Variants in STMN3 observed in about 807,000 individuals in gnomAD.
STMN3 encodes stathmin 3, also known as stathmin-3.
STMN3 carries 24 observed loss-of-function variants against 23.2 expected under a neutral mutation model. That is an observed-to-expected ratio of 1.03 (90% CI 0.75 to 1.45). The LOEUF is 1.45. STMN3 is among the 40% of genes most tolerant of loss of function. The pLI, the probability that STMN3 is intolerant of heterozygous loss-of-function variation, is 0.00. For missense variants in STMN3, 235 were observed against 237.6 expected (o/e 0.99, Z 0.07); for synonymous variants, 117 against 103.4 (o/e 1.13, Z -0.80).
rs766973213 is a variant in STMN3, at chr20:63,641,377, C to A, written c.504G>T (p.Val168=). The A allele has an allele frequency of 1.7e-5, 27 of 1,568,382 alleles. No homozygotes were observed. Among genetic ancestry groups the A allele is most frequent in the African/African-American group, 2.7e-5 (2 of 73,868 alleles). The change falls in exon 5 of 5, where the codon GTG becomes GTT. Residue 168 remains valine (V), a synonymous_variant. Transcript: ENST00000370053. ...LREKELHAAE[V]RRNKEQREEM... ...CTTCTCGCTGCTCCTTGTTCCTGCG[C>A]ACCTCGGCCGCGTGCAGCTCCTGCA...
At chr20:63,646,737 ACTT>A (rs2146117912) in intron 1 of STMN3, among the ~76,000 whole-genome samples, 2 of 151,108 alleles carry the variant, frequency 1.3e-5, no homozygotes, top group South Asian at 4.2e-4. Flanking sequence ...GCAGCCTTGA[ACTT>A]CTGGGCTTGA....
In STMN3 at chr20:63,641,169, G is replaced by C; in HGVS notation, c.*169C>G. The C allele has an allele frequency of 1.5e-6, 1 of 684,470 alleles. No individual in the cohort carries two copies. Among genetic ancestry groups the C allele is most frequent in the Non-Finnish European group, 2.6e-6 (1 of 380,550 alleles). 42.4% of individuals were successfully genotyped at this position (684,470 alleles called of 1,614,324 possible). A position where few individuals can be genotyped will look rare whatever the true frequency, so the allele number is the denominator to read the frequency against. On this transcript the variant is annotated 3_prime_UTR_variant, in exon 5 of 5. Coordinates refer to ENST00000370053, the MANE Select transcript of STMN3 (RefSeq NM_015894.4). ...TCCTGCAGGGGAAGCCGTGGTCAGCGACTCACCACGAGGACAGGGCAGGGC... is the reference window on the plus strand; with the variant it reads ...TCCTGCAGGGGAAGCCGTGGTCAGCCACTCACCACGAGGACAGGGCAGGGC...
chr20:63,650,318 C>T (rs547174558), intron 1 of STMN3, among the ~76,000 whole-genome samples: 9 of 152,256 alleles, frequency 5.9e-5, no homozygotes, highest in South Asian at 2.1e-4. Context: ...CATTAGATAC[C>T]GAGGAAATGC....
rs188985407 is a variant in STMN3, at chr20:63,640,086, C to G, written c.*1252G>C. On this transcript the variant is annotated 3_prime_UTR_variant, in exon 5 of 5. Transcript: ENST00000370053. Reference sequence around the variant, plus strand: ...CTCCCGCAGGATGGAAGTTGAGGGCCCTGGCTCTGGGTCCTAAGAGAACTC... The same window carrying G: ...CTCCCGCAGGATGGAAGTTGAGGGCGCTGGCTCTGGGTCCTAAGAGAACTC... 6.7e-4 allele frequency: 103 copies of G among 153,064 alleles called. No individual in the cohort carries two copies. The highest frequency in any genetic ancestry group is 1.2e-3 in the Non-Finnish European group (81 of 68,220). 9.5% of individuals were successfully genotyped at this position (153,064 alleles called of 1,614,324 possible).
At chr20:63,642,852 G>C (rs1166634318) in intron 3 of STMN3, among the ~76,000 whole-genome samples, 9 of 152,162 alleles carry the variant, frequency 5.9e-5, no homozygotes. Context: ...CCACATGCCA[G>C]TCCCTACTAG....
intron 1 of STMN3, among the ~76,000 whole-genome samples, 186 bp downstream of exon 1, chr20:63,653,141 C>T (rs1333794015): frequency 2.0e-5 from 3 of 151,386 alleles, no homozygotes; most frequent in African/African-American, 7.3e-5. Flanking sequence ...GCCTCGCAGC[C>T]CAGCGCCCCA....
At chr20:63,645,000 C>T (rs1251434150) in intron 1 of STMN3, among the ~76,000 whole-genome samples, 1 of 152,174 alleles carries the variant, frequency 6.6e-6, no homozygotes, top group Non-Finnish European at 1.5e-5. Flanking sequence ...CTCTGTTTAC[C>T]TTCTGTGTGT....
chr20:63,645,628 C>A (rs1353201007), intron 1 of STMN3, among the ~76,000 whole-genome samples: 1 of 152,226 alleles, frequency 6.6e-6, no homozygotes, highest in African/African-American at 2.4e-5. Context: ...CCTAAGCAGA[C>A]ACGCTGGCCC....
At chr20:63,653,021 C>T (rs1311824511) in intron 1 of STMN3, among the ~76,000 whole-genome samples, 1 of 151,976 alleles carries the variant, frequency 6.6e-6, no homozygotes, top group Non-Finnish European at 1.5e-5. Flanking sequence ...GAGCCCACGC[C>T]CGGGTCTGGG....
chr20:63,641,459 C>G, intron 4 of STMN3, 62 bp from the exon 5 acceptor site: 1 of 1,433,652 alleles, frequency 7.0e-7, no homozygotes, highest in Non-Finnish European at 9.5e-7. Context: ...TCCGGGAACC[C>G]CCAGGCGCGC....
intron 4 of STMN3, among the ~76,000 whole-genome samples, 198 bp downstream of exon 4, chr20:63,641,910 C>G (rs1289956381): frequency 7.2e-6 from 1 of 138,632 alleles, no homozygotes; most frequent in Non-Finnish European, 1.6e-5. Flanking sequence ...GGCCCCTGCC[C>G]GCTCCGAGCT....
intron 3 of STMN3, 81 bp downstream of exon 3, chr20:63,643,675 C>T: frequency 6.9e-7 from 1 of 1,452,152 alleles, no homozygotes; most frequent in Admixed American, 2.7e-5. Flanking sequence ...TGTCCGGGAG[C>T]ACCCTGCTTC....
rs999435826 is a variant in STMN3 at position 63,647,553 on chromosome 20, T to A, written c.20-3244A>T. Among the ~76,000 whole-genome samples the A allele has an allele frequency of 2.9e-4, 44 of 149,642 alleles. 1 individual carries two copies. The East Asian group carries it at 8.4e-3, about 29-fold the overall frequency. On this transcript the variant is annotated intron_variant, in intron 1 of 4. Transcript: ENST00000370053. ...ATCGCTTGAACCCAGGAGGCAGAGG[T>A]TGCAGTGAGCTGAGATCACGCCACT...
At chr20:63,642,836 C>G (rs1373707765) in intron 3 of STMN3, among the ~76,000 whole-genome samples, 3 of 152,170 alleles carry the variant, frequency 2.0e-5, no homozygotes, top group Non-Finnish European at 4.4e-5. Flanking sequence ...GCAGCAGGAC[C>G]CGCACCCACA....
chr20:63,653,387 A>T lies in STMN3; in HGVS notation c.-42T>A, dbSNP rs1362843197. On this transcript the variant is annotated 5_prime_UTR_variant, in exon 1 of 5. Coordinates refer to ENST00000370053, the MANE Select transcript of STMN3 (RefSeq NM_015894.4). ...GGGCCTGCGGAGGCTGGAGAGGCGC[A>T]AGTGGCGGCCGGAGCTGCAGACGGC... 1 of 1,435,074 alleles carries T rather than the reference A, an allele frequency of 7.0e-7. No homozygotes were observed. The highest frequency in any genetic ancestry group is 9.3e-7 in the Non-Finnish European group (1 of 1,077,540). 88.9% of individuals were successfully genotyped at this position (1,435,074 alleles called of 1,614,324 possible).
At chr20:63,650,124 G>A (rs192674108) in intron 1 of STMN3, among the ~76,000 whole-genome samples, 6 of 86,892 alleles carry the variant, frequency 6.9e-5, no homozygotes, top group East Asian at 5.6e-4. Context: ...CCCCGCGCCT[G>A]GCCCCCCGCA....
chr20:63,642,339 G>A (rs1409499362), intron 3 of STMN3, 40 bp from the exon 4 acceptor site: 1 of 1,353,408 alleles, frequency 7.4e-7, no homozygotes. Context: ...GGCAACCCCG[G>A]GCCCTGCCCG....
rs1046852250 is a variant in STMN3, at chr20:63,640,867, AC to A, written c.*470del. On this transcript the variant is annotated 3_prime_UTR_variant, in exon 5 of 5. Transcript: ENST00000370053. The stretch of plus-strand genomic sequence containing the variant: ...CACACGCAGGCTCCCAGGCACCATC[AC>A]CCCCCTCCCCCGTCGCCCCTCCCTC... 1.7e-4 allele frequency: 42 copies of A among 240,978 alleles called. No individual in the cohort carries two copies. The highest frequency in any genetic ancestry group is 9.2e-4 in the African/African-American group (38 of 41,458). The allele number at this position is 240,978 out of a possible 1,614,324, so 14.9% of individuals were successfully genotyped here.
Position 63,643,815 on chromosome 20 carries a change from T to C in STMN3, c.232A>G (p.Lys78Glu), listed in dbSNP as rs371578836. Residue 78 changes from lysine to glutamate, a missense_variant, in exon 3 of 5, where the codon AAG becomes GAG. Lys to Glu is a moderately conservative substitution (Grantham distance 56). Coordinates refer to ENST00000370053, the MANE Select transcript of STMN3 (RefSeq NM_015894.4). ...SPMLSSPPKK[K>E]DTSLEELQKR... ...TGCAGCTCCTCCAGGGAGGTGTCCT[T>C]CTTCTTGGGTGGGGAGGAGAGCATA... 2 of 1,560,696 alleles carry C rather than the reference T, an allele frequency of 1.3e-6. No individual in the cohort carries two copies. Among genetic ancestry groups the C allele is most frequent in the Non-Finnish European group, 8.6e-7 (1 of 1,163,638 alleles).
Sources: allele counts gnomAD v4.1 joint callset (sites outside exome capture counted in the v4.1 genomes callset), GRCh38; gene constraint gnomAD v4.1.1; transcripts MANE v1.5; gene names NCBI Gene and HGNC (gene_info 2026-07-23, HGNC 2026-07-21).